Variants in NKAIN2 observed in about 807,000 individuals in gnomAD.
NKAIN2 encodes the protein sodium/potassium transporting ATPase interacting 2, also known as sodium/potassium-transporting ATPase subunit beta-1-interacting protein 2.
Under a neutral mutation model 32.6 loss-of-function variants are expected in NKAIN2, and 14 were observed. The observed-to-expected ratio is 0.43, with a 90% CI of 0.28 to 0.67. The LOEUF is 0.67. Among genes scored for constraint, NKAIN2 ranks in the 30% least tolerant of loss-of-function variants. The probability of loss-of-function intolerance (pLI) is 0.17; values close to 1 mark genes in which losing one functional copy is unlikely to be tolerated. For synonymous variants in NKAIN2, 80 were observed against 87.2 expected (o/e 0.92, Z 0.46); for missense variants, 198 against 258.3 (o/e 0.77, Z 1.60).
At chr6:124,148,667 T>C (rs1787550712) in intron 1 of NKAIN2, among the ~76,000 whole-genome samples, 1 of 152,204 alleles carries the variant, frequency 6.6e-6, no homozygotes, top group African/African-American at 2.4e-5. Flanking sequence ...CTTTTCATTA[T>C]AGAACAATAT....
chr6:124,550,813 A>G (rs1037424157), intron 3 of NKAIN2, among the ~76,000 whole-genome samples: 9 of 152,210 alleles, frequency 5.9e-5, no homozygotes, highest in African/African-American at 2.2e-4. Flanking sequence ...CATGGCTCAG[A>G]TTCAAATAGA....
intron 4 of NKAIN2, among the ~76,000 whole-genome samples, chr6:124,682,829 T>G (rs1056986684): frequency 6.6e-6 from 1 of 152,164 alleles, no homozygotes; most frequent in Non-Finnish European, 1.5e-5. Flanking sequence ...ATGGAATCAC[T>G]TCAATCACCC....
intron 3 of NKAIN2, among the ~76,000 whole-genome samples, chr6:124,591,533 C>A (rs1781912200): frequency 6.6e-6 from 1 of 152,060 alleles, no homozygotes; most frequent in South Asian, 2.1e-4. Context: ...TATCTGCTTG[C>A]TTTCCATTTC....
chr6:124,553,823 T>C (rs1780378404), intron 3 of NKAIN2, among the ~76,000 whole-genome samples: 1 of 152,222 alleles, frequency 6.6e-6, no homozygotes, highest in African/African-American at 2.4e-5. Context: ...ATTGTTTTCC[T>C]GGGGGTTGTT....
chr6:124,459,347 A>C (rs1268369692), intron 3 of NKAIN2, among the ~76,000 whole-genome samples: 1 of 151,882 alleles, frequency 6.6e-6, no homozygotes, highest in Non-Finnish European at 1.5e-5. Context: ...TTGTAACATG[A>C]ATTACCTTAG....
chr6:124,037,216 A>T (rs576121364), intron 1 of NKAIN2, among the ~76,000 whole-genome samples: 1 of 152,288 alleles, frequency 6.6e-6, no homozygotes, highest in African/African-American at 2.4e-5. Context: ...GCAGGAAGAA[A>T]TACAACATGA....
At chr6:123,995,706 CA>C (rs1562298182) in intron 1 of NKAIN2, among the ~76,000 whole-genome samples, 1 of 152,078 alleles carries the variant, frequency 6.6e-6, no homozygotes, top group Non-Finnish European at 1.5e-5. Context: ...ACATTGGTAA[CA>C]TTTTTGTAAA....
intron 1 of NKAIN2, among the ~76,000 whole-genome samples, chr6:124,262,184 G>GTCTATT (rs1794286126): frequency 6.6e-6 from 1 of 152,074 alleles, no homozygotes; most frequent in African/African-American, 2.4e-5. Context: ...CTTATGGAAG[G>GTCTATT]CAAATAGACA....
chr6:123,814,089 A>G (rs1180488287), intron 1 of NKAIN2, among the ~76,000 whole-genome samples: 2 of 152,242 alleles, frequency 1.3e-5, no homozygotes, highest in East Asian at 1.9e-4. Flanking sequence ...AGTAGTATTT[A>G]TGAGTTTGCC....
At chr6:123,939,729 TATGAAG>T (rs1639937812) in intron 1 of NKAIN2, among the ~76,000 whole-genome samples, 1 of 152,002 alleles carries the variant, frequency 6.6e-6, no homozygotes, top group South Asian at 2.1e-4. Flanking sequence ...CCTTAGTTCC[TATGAAG>T]ATGAATTCTT....
chr6:124,545,757 G>A (rs937575267), intron 3 of NKAIN2, among the ~76,000 whole-genome samples: 2 of 151,892 alleles, frequency 1.3e-5, no homozygotes, highest in African/African-American at 2.4e-5. Context: ...AGTTGTTTAT[G>A]TGCAGTGTAC....
At chr6:124,430,850 A>G (rs1018325414) in intron 3 of NKAIN2, among the ~76,000 whole-genome samples, 19 of 152,172 alleles carry the variant, frequency 1.2e-4, no homozygotes, top group Admixed American at 1.0e-3. Context: ...TTTCTAACAC[A>G]GAGCAACACG....
chr6:124,497,930 T>TCA (rs2114740245), intron 3 of NKAIN2, among the ~76,000 whole-genome samples: 1 of 152,058 alleles, frequency 6.6e-6, no homozygotes, highest in South Asian at 2.1e-4. Flanking sequence ...GGCTTTGATT[T>TCA]CACACTAAGG....
Position 123,857,770 on chromosome 6 carries a change from G to A in NKAIN2, c.54+53516G>A, listed in dbSNP as rs559564601. 4.9e-4 allele frequency among the ~76,000 whole-genome samples: 75 copies of A among 152,140 alleles called. 1 individual carries two copies. The highest frequency in any genetic ancestry group is 8.4e-4 in the Non-Finnish European group (57 of 67,962). On this transcript the variant is annotated intron_variant, in intron 1 of 6. Coordinates refer to ENST00000368417, the MANE Select transcript of NKAIN2 (RefSeq NM_001040214.3). ...ATACATATTGAAGCAGAACACTATCGATTGTATTCATCAGGCACACTGCAG... is the reference window on the plus strand; with the variant it reads ...ATACATATTGAAGCAGAACACTATCAATTGTATTCATCAGGCACACTGCAG...
At chr6:124,344,529 C>G (rs1182526096) in intron 2 of NKAIN2, among the ~76,000 whole-genome samples, 4 of 151,370 alleles carry the variant, frequency 2.6e-5, no homozygotes, top group Non-Finnish European at 5.9e-5. Flanking sequence ...TTTTAGTTCT[C>G]CTTGAAGAGG....
intron 3 of NKAIN2, among the ~76,000 whole-genome samples, chr6:124,493,411 G>A (rs77014485): frequency 0.017 from 2,581 of 151,934 alleles, 31 homozygotes; most frequent in Non-Finnish European, 0.028. Flanking sequence ...TGAATTCAGG[G>A]TAATATAAAT....
chr6:124,488,920 AG>A (rs911389448), intron 3 of NKAIN2, among the ~76,000 whole-genome samples: 103 of 151,988 alleles, frequency 6.8e-4, no homozygotes, highest in Middle Eastern at 3.4e-3. Context: ...AAATGGGAAG[AG>A]GTATTAGTCA....
chr6:124,262,421 G>A (rs147674926), intron 1 of NKAIN2, among the ~76,000 whole-genome samples: 191 of 152,144 alleles, frequency 1.3e-3, no homozygotes, highest in African/African-American at 4.3e-3. Flanking sequence ...AGCAGGATTC[G>A]CTGAAAAAGT....
intron 1 of NKAIN2, among the ~76,000 whole-genome samples, chr6:123,866,777 T>G (rs4512241): frequency 0.72 from 109,094 of 152,068 alleles, 39,763 homozygotes; most frequent in African/African-American, 0.85. Flanking sequence ...TTTGACCATG[T>G]AATCCTCCTG....
Sources: gnomAD v4.1 joint callset for allele counts (sites outside exome capture counted in the v4.1 genomes callset) on GRCh38, gnomAD v4.1.1 for gene constraint, MANE v1.5 for transcripts, NCBI Gene and HGNC (gene_info 2026-07-23, HGNC 2026-07-21) for gene names.